The following MINDY4 variants were observed in gnomAD, a reference collection of about 807,000 sequenced individuals.
MINDY4 encodes the protein MINDY lysine 48 deubiquitinase 4.
In MINDY4, 68 loss-of-function variants were observed where a neutral mutation model predicts 87.0. That is an observed-to-expected ratio of 0.78 (90% CI 0.64 to 0.96). MINDY4 has a LOEUF of 0.96. MINDY4 is among the 40% of genes least tolerant of loss of function. The pLI is 0.00. For synonymous variants in MINDY4, 379 were observed against 363.2 expected, an observed-to-expected ratio of 1.04 and a Z score of -0.50; for missense variants, 919 against 928.2, an observed-to-expected ratio of 0.99 and a Z score of 0.13.
Position 30,882,902 on chromosome 7 carries a change from C to CCT in MINDY4, c.2153-13_2153-12dup. On this transcript the variant is annotated intron_variant, in intron 16 of 17. Coordinates refer to ENST00000265299, the MANE Select transcript of MINDY4 (RefSeq NM_032222.3). ...CAGGGCCCTGGGTGACATGTGTGTG[C>CCT]CTCTCTCCTCCTTCCCAGACACCAC... 6.2e-7 allele frequency: 1 copy of CCT among 1,612,808 alleles called. No individual in the cohort carries two copies. Among genetic ancestry groups the CCT allele is most frequent in the Non-Finnish European group, 8.5e-7 (1 of 1,179,206 alleles).
intron 5 of MINDY4, among the ~76,000 whole-genome samples, chr7:30,800,151 C>T (rs919361846): frequency 2.0e-5 from 3 of 152,174 alleles, no homozygotes; most frequent in Non-Finnish European, 4.4e-5. Context: ...CTGGGTGGGA[C>T]ACCTGTGGCC....
Position 30,866,959 on chromosome 7 carries a change from T to C in MINDY4, c.1746-5284T>C, listed in dbSNP as rs555789143. ...GGGCTCCCATCCTAGCCCTCTCCTCTTACTGCTTTGAGAATGGAAACAATT... is the reference window on the plus strand; with the variant it reads ...GGGCTCCCATCCTAGCCCTCTCCTCCTACTGCTTTGAGAATGGAAACAATT... On this transcript the variant is annotated intron_variant, in intron 13 of 17. Coordinates refer to ENST00000265299, the MANE Select transcript of MINDY4 (RefSeq NM_032222.3). Among the ~76,000 whole-genome samples, 3 of 152,280 alleles carry C rather than the reference T, an allele frequency of 2.0e-5. No individual in the cohort carries two copies. The South Asian group carries it at 6.2e-4, about 32-fold the overall frequency.
intron 5 of MINDY4, among the ~76,000 whole-genome samples, chr7:30,821,054 A>G (rs1788313539): frequency 6.6e-6 from 1 of 152,246 alleles, no homozygotes; most frequent in East Asian, 1.9e-4. Context: ...ACTTTAATCA[A>G]TCCCTCTACC....
intron 9 of MINDY4, among the ~76,000 whole-genome samples, chr7:30,847,615 G>T (rs1789263659): frequency 6.6e-6 from 1 of 152,142 alleles, no homozygotes; most frequent in Non-Finnish European, 1.5e-5. Flanking sequence ...GGATATAATG[G>T]TACCTCCCTC....
intron 6 of MINDY4, among the ~76,000 whole-genome samples, chr7:30,834,566 T>C (rs150255120): frequency 1.3e-3 from 201 of 152,358 alleles, no homozygotes; most frequent in African/African-American, 4.4e-3. Flanking sequence ...GTCTTGTGGA[T>C]TAACATTTGG....
At chr7:30,828,644 TCTC>T (rs1788593740) in intron 5 of MINDY4, 32 bp from the exon 6 acceptor site, 4 of 1,605,348 alleles carry the variant, frequency 2.5e-6, no homozygotes, top group Non-Finnish European at 3.4e-6. Flanking sequence ...TCTCTGTCAG[TCTC>T]CTCTGGTACA....
chr7:30,872,403 A>G, intron 14 of MINDY4, 97 bp downstream of exon 14: 1 of 1,176,324 alleles, frequency 8.5e-7, no homozygotes, highest in Admixed American at 2.0e-5. Flanking sequence ...AGAAAAAGAC[A>G]AGTCTTTCTT....
chr7:30,799,666 T>C (rs1400094508), intron 5 of MINDY4, among the ~76,000 whole-genome samples: 3 of 152,224 alleles, frequency 2.0e-5, no homozygotes, highest in Non-Finnish European at 4.4e-5. Flanking sequence ...TCTGACCCAC[T>C]GAGTCAGAAG....
At position 30,882,365 on chromosome 7, in the gene MINDY4, C is replaced by T. The variant is rs745747125; in HGVS notation, c.2152+4C>T. ...GAGCAGATCCGGCTGACCATTGGTGCGGGCCCTCACCCCCCCACCCACCCA... is the reference window on the plus strand; with the variant it reads ...GAGCAGATCCGGCTGACCATTGGTGTGGGCCCTCACCCCCCCACCCACCCA... On this transcript the variant is annotated splice_donor_region_variant and intron_variant, in intron 16 of 17. Coordinates refer to ENST00000265299, the MANE Select transcript of MINDY4 (RefSeq NM_032222.3). 43 of 1,551,546 alleles carry T rather than the reference C, an allele frequency of 2.8e-5. No homozygotes were observed. The highest frequency in any genetic ancestry group is 9.5e-5 in the South Asian group (8 of 83,770).
intron 9 of MINDY4, 50 bp downstream of exon 9, chr7:30,840,898 A>G (rs1456347326): frequency 6.6e-7 from 1 of 1,520,926 alleles, no homozygotes; most frequent in Non-Finnish European, 9.1e-7. Flanking sequence ...AGTCTTCCCC[A>G]GAGTGTCCAG....
At chr7:30,850,019 G>C (rs1789356452) in intron 9 of MINDY4, among the ~76,000 whole-genome samples, 1 of 152,244 alleles carries the variant, frequency 6.6e-6, no homozygotes, top group Non-Finnish European at 1.5e-5. Context: ...GCCTGTACGT[G>C]CTACTGACTC....
At chr7:30,879,237 A>T (rs1457703220) in intron 15 of MINDY4, among the ~76,000 whole-genome samples, 1 of 152,182 alleles carries the variant, frequency 6.6e-6, no homozygotes, top group Non-Finnish European at 1.5e-5. Flanking sequence ...GTGGGTCCCA[A>T]TCCAGTATGG....
chr7:30,785,208 G>A (rs541303329), intron 3 of MINDY4, among the ~76,000 whole-genome samples: 6 of 151,086 alleles, frequency 4.0e-5, no homozygotes, highest in African/African-American at 1.2e-4. Flanking sequence ...CTTACACTCC[G>A]CTCAACTCCC....
chr7:30,873,841 C>T (rs1023911012), intron 14 of MINDY4, among the ~76,000 whole-genome samples: 5 of 152,202 alleles, frequency 3.3e-5, no homozygotes, highest in African/African-American at 4.8e-5. Flanking sequence ...GCAGCTGCTG[C>T]CCCTGACGTG....
rs375432478 is a variant in MINDY4 at position 30,851,564 on chromosome 7, T to G, written c.1548-652T>G. Among the ~76,000 whole-genome samples the G allele has an allele frequency of 6.6e-5, 10 of 152,380 alleles. No individual in the cohort carries two copies. In the East Asian group the frequency reaches 1.9e-3, roughly 29 times the overall value. On this transcript the variant is annotated intron_variant, in intron 10 of 17. Coordinates refer to ENST00000265299, the MANE Select transcript of MINDY4 (RefSeq NM_032222.3). ...TATCGTTATTTGTTTTTGTTATTATTACTGTCACTTGTCTTTGGTACTCAC... is the reference window on the plus strand; with the variant it reads ...TATCGTTATTTGTTTTTGTTATTATGACTGTCACTTGTCTTTGGTACTCAC...
chr7:30,826,678 T>C (rs993187022), intron 5 of MINDY4, among the ~76,000 whole-genome samples: 1 of 152,206 alleles, frequency 6.6e-6, no homozygotes, highest in African/African-American at 2.4e-5. Context: ...CCCTTGTCTT[T>C]GGAGTTATCG....
intron 2 of MINDY4, 47 bp downstream of exon 2, chr7:30,778,598 G>C: frequency 6.2e-7 from 1 of 1,611,318 alleles, no homozygotes; most frequent in Non-Finnish European, 8.5e-7. Flanking sequence ...ACTGAGTTTG[G>C]CACTGCCAAA....
chr7:30,823,473 C>T (rs1166427360), intron 5 of MINDY4, among the ~76,000 whole-genome samples: 1 of 152,132 alleles, frequency 6.6e-6, no homozygotes, highest in Non-Finnish European at 1.5e-5. Flanking sequence ...TCCTTCTTTC[C>T]CTTCATTCCT....
chr7:30,871,553 C>A (rs1790106510), intron 13 of MINDY4, among the ~76,000 whole-genome samples: 1 of 152,136 alleles, frequency 6.6e-6, no homozygotes, highest in Admixed American at 6.5e-5. Context: ...GGTGCTCAGC[C>A]CATTTCTTTC....
Sources: allele counts gnomAD v4.1 joint callset (sites outside exome capture counted in the v4.1 genomes callset), GRCh38; gene constraint gnomAD v4.1.1; transcripts MANE v1.5; gene names NCBI Gene and HGNC (gene_info 2026-07-23, HGNC 2026-07-21).